DOCK4: variants seen among roughly 807,000 people sequenced by gnomAD.
DOCK4 encodes dedicator of cytokinesis 4.
Under a neutral mutation model 268.1 loss-of-function variants are expected in DOCK4, and 97 were observed. That is an observed-to-expected ratio of 0.36 (90% CI 0.31 to 0.43). The LOEUF (loss-of-function observed/expected upper bound fraction) is 0.43, where lower values mean the gene tolerates loss of function less well. DOCK4 is among the 20% of genes least tolerant of loss of function. DOCK4 has a pLI of 1.00. For synonymous variants in DOCK4, 954 were observed against 887.2 expected (o/e 1.08, Z -1.34); for missense variants, 2,145 against 2,455.7 (o/e 0.87, Z 2.67).
intron 37 of DOCK4, among the ~76,000 whole-genome samples, chr7:111,768,417 T>C (rs1470550276): frequency 2.0e-5 from 3 of 152,242 alleles, no homozygotes; most frequent in Non-Finnish European, 4.4e-5. Context: ...CTTCCTTGCA[T>C]CAAATTTTTA....
chr7:111,998,487 C>T lies in DOCK4; in HGVS notation c.179G>A (p.Ser60Asn), dbSNP rs934622005. 1.9e-6 allele frequency: 3 copies of T among 1,590,644 alleles called. No individual in the cohort carries two copies. The highest frequency in any genetic ancestry group is 1.7e-5 in the Admixed American group (1 of 57,200). Residue 60 changes from serine to asparagine, a missense_variant, in exon 4 of 53, where the codon AGC (serine) becomes AAC (asparagine). By Grantham distance (46) the Ser-to-Asn change is conservative. Coordinates refer to ENST00000428084, the MANE Select transcript of DOCK4 (RefSeq NM_001363540.2). Reference sequence around the variant, plus strand: ...ACAGGCATTTTTCAAGTGAACGTAGCTGGAAGGAAATATACCCTGGAAAAG... The same window carrying T: ...ACAGGCATTTTTCAAGTGAACGTAGTTGGAAGGAAATATACCCTGGAAAAG... ...NPNIKGIFPS[S>N]YVHLKNACVK...
At chr7:112,105,715 G>A (rs1187171714) in intron 1 of DOCK4, among the ~76,000 whole-genome samples, 9 of 128,502 alleles carry the variant, frequency 7.0e-5, no homozygotes, top group Non-Finnish European at 1.1e-4. Flanking sequence ...TCGAGGCAGC[G>A]TCTCAGTCTG....
chr7:111,766,675 G>T (rs897655657), intron 38 of DOCK4, among the ~76,000 whole-genome samples: 2 of 152,184 alleles, frequency 1.3e-5, no homozygotes, highest in African/African-American at 4.8e-5. Context: ...CATTCCTACA[G>T]ATTTGCAGAT....
intron 13 of DOCK4, among the ~76,000 whole-genome samples, chr7:111,907,458 T>C (rs1791683617): frequency 6.6e-6 from 1 of 152,078 alleles, no homozygotes; most frequent in East Asian, 1.9e-4. Flanking sequence ...GGAACTCCTA[T>C]ACTCTTGGGG....
At chr7:112,093,870 C>T (rs1809862535) in intron 1 of DOCK4, among the ~76,000 whole-genome samples, 1 of 129,732 alleles carries the variant, frequency 7.7e-6, no homozygotes, top group Non-Finnish European at 1.6e-5. Context: ...GGCTCTCTGA[C>T]ATATAAGGAA....
intron 1 of DOCK4, among the ~76,000 whole-genome samples, chr7:112,044,876 G>A (rs912007397): frequency 6.6e-6 from 1 of 151,984 alleles, no homozygotes; most frequent in Non-Finnish European, 1.5e-5. Context: ...CTCTCATTTT[G>A]TCTATTGCTA....
chr7:112,101,428 A>T lies in DOCK4; in HGVS notation c.38-97297T>A, dbSNP rs141081949. 1.8e-3 allele frequency among the ~76,000 whole-genome samples: 267 copies of T among 152,362 alleles called. 1 individual carries two copies. Among genetic ancestry groups the T allele is most frequent in the African/African-American group, 6.0e-3 (249 of 41,594 alleles). On this transcript the variant is annotated intron_variant, in intron 1 of 52. Transcript: ENST00000428084. ...TGATTTGTATACACCGTTGCTTAGC[A>T]TCAAGTACTTTTATGGCAAAAGACA...
intron 39 of DOCK4, among the ~76,000 whole-genome samples, chr7:111,763,563 T>C (rs781389931): frequency 6.6e-6 from 1 of 152,248 alleles, no homozygotes; most frequent in Non-Finnish European, 1.5e-5. Context: ...CTTAAACTAC[T>C]TCTAATTTTT....
intron 8 of DOCK4, among the ~76,000 whole-genome samples, chr7:111,948,718 C>T (rs1477384346): frequency 6.6e-6 from 1 of 151,782 alleles, no homozygotes; most frequent in Non-Finnish European, 1.5e-5. Context: ...CCTCAGCTTC[C>T]TGAGTAGCTG....
chr7:112,189,155 T>G (rs1286469946), intron 1 of DOCK4, among the ~76,000 whole-genome samples: 2 of 152,228 alleles, frequency 1.3e-5, no homozygotes, highest in African/African-American at 4.8e-5. Context: ...TATATTTCTA[T>G]ATTTTGTGTT....
At chr7:111,925,871 A>G (rs796550681) in intron 12 of DOCK4, among the ~76,000 whole-genome samples, 49 of 152,304 alleles carry the variant, frequency 3.2e-4, no homozygotes, top group African/African-American at 1.1e-3. Flanking sequence ...GCAGATCACG[A>G]GGTCAGGAGA....
At chr7:111,808,745 G>C in intron 30 of DOCK4, 76 bp downstream of exon 30, 2 of 1,460,938 alleles carry the variant, frequency 1.4e-6, no homozygotes, top group East Asian at 4.8e-5. Context: ...CTGGTAAATT[G>C]CCTTTCTTCA....
chr7:111,938,087 G>C (rs1468285419), intron 11 of DOCK4, among the ~76,000 whole-genome samples: 1 of 151,684 alleles, frequency 6.6e-6, no homozygotes, highest in Non-Finnish European at 1.5e-5. Context: ...TGAAATTGAG[G>C]GTTGCTATGT....
Position 111,732,255 on chromosome 7 carries a change from G to T in DOCK4, c.5452C>A (p.Pro1818Thr), listed in dbSNP as rs1237855500. The T allele has an allele frequency of 2.5e-6, 4 of 1,614,016 alleles. No individual in the cohort carries two copies. Among genetic ancestry groups the T allele is most frequent in the Non-Finnish European group, 3.4e-6 (4 of 1,179,896 alleles). ...SPARHTTSVS[P>T]SPAGRSPLKG... The stretch of plus-strand genomic sequence containing the variant: ...AATGGAGATCGCCCGGCAGGCGAGG[G>T]GGATACTGATGTCGTGTGTCTTGCT... The change falls in exon 52 of 53, where the codon CCC becomes ACC. Residue 1818 changes from proline to threonine, a missense_variant. Physicochemically the swap from Pro to Thr is conservative, Grantham distance 38. Coordinates refer to ENST00000428084, the MANE Select transcript of DOCK4 (RefSeq NM_001363540.2).
chr7:111,737,096 T>G, intron 49 of DOCK4, 107 bp from the exon 50 acceptor site: 2 of 972,352 alleles, frequency 2.1e-6, no homozygotes. Context: ...TTCAAAATAA[T>G]TTTTGTGTGA....
chr7:111,802,539 G>A (rs777181602), intron 30 of DOCK4, among the ~76,000 whole-genome samples: 29 of 152,210 alleles, frequency 1.9e-4, no homozygotes, highest in Non-Finnish European at 3.7e-4. Context: ...AGCCGGAATA[G>A]TTCTCCCATG....
intron 1 of DOCK4, among the ~76,000 whole-genome samples, chr7:112,024,943 A>G (rs976509549): frequency 3.9e-5 from 6 of 152,194 alleles, no homozygotes; most frequent in African/African-American, 9.7e-5. Context: ...CTTCACAGGA[A>G]AGGACAACTT....
intron 17 of DOCK4, among the ~76,000 whole-genome samples, chr7:111,873,953 A>G (rs1806635905): frequency 1.3e-5 from 2 of 152,222 alleles, no homozygotes; most frequent in African/African-American, 4.8e-5. Context: ...TTGACTATTC[A>G]GATGTAATTC....
chr7:112,108,699 T>G (rs2115632980), intron 1 of DOCK4, among the ~76,000 whole-genome samples: 1 of 152,296 alleles, frequency 6.6e-6, no homozygotes, highest in African/African-American at 2.4e-5. Context: ...AACTAAAAAC[T>G]CATTTCAAGA....
Sources: gnomAD v4.1 joint callset for allele counts (sites outside exome capture counted in the v4.1 genomes callset) on GRCh38, gnomAD v4.1.1 for gene constraint, MANE v1.5 for transcripts, NCBI Gene and HGNC (gene_info 2026-07-23, HGNC 2026-07-21) for gene names.